Variants in TMEM98 observed in about 807,000 individuals in gnomAD.
TMEM98 encodes the protein transmembrane protein 98.
Under a neutral mutation model 25.0 loss-of-function variants are expected in TMEM98, and 18 were observed. The ratio of observed to expected loss-of-function variants is 0.72; its 90% CI spans 0.50 to 1.07. The LOEUF (loss-of-function observed/expected upper bound fraction) is 1.07, where lower values mean the gene tolerates loss of function less well. Among genes scored for constraint, TMEM98 ranks in the 50% least tolerant of loss-of-function variants. The probability of loss-of-function intolerance (pLI) is 0.00; values close to 1 mark genes in which losing one functional copy is unlikely to be tolerated. For synonymous variants in TMEM98, 103 were observed against 112.4 expected (o/e 0.92, Z 0.53); for missense variants, 241 against 289.0 (o/e 0.83, Z 1.20).
chr17:32,935,663 G>A (rs947603116), intron 5 of TMEM98, among the ~76,000 whole-genome samples: 2 of 152,112 alleles, frequency 1.3e-5, no homozygotes, highest in African/African-American at 2.4e-5. Context: ...AGGTCAGGTA[G>A]GGGTGCTTCC....
At chr17:32,932,137 G>T (rs560079274) in intron 3 of TMEM98, among the ~76,000 whole-genome samples, 1 of 129,422 alleles carries the variant, frequency 7.7e-6, no homozygotes, top group Non-Finnish European at 1.5e-5. Context: ...TTTCACTCTC[G>T]TTGCCCAGGC....
chr17:32,943,466 G>A lies in TMEM98; in HGVS notation c.*2473G>A, dbSNP rs1465271627. The A allele has an allele frequency of 1.3e-5, 2 of 152,214 alleles. No individual in the cohort carries two copies. Among genetic ancestry groups the A allele is most frequent in the Non-Finnish European group, 2.9e-5 (2 of 68,048 alleles). The allele number at this position is 152,214 out of a possible 1,614,324, so 9.4% of individuals were successfully genotyped here. ...ACATTCCTAAGTGCCTAGTTCTCTA[G>A]CGTCTGTATACATGGTAGTAGAGCC... On this transcript the variant is annotated 3_prime_UTR_variant, in exon 8 of 8. Transcript: ENST00000579849.
At position 32,929,231 on chromosome 17, in the gene TMEM98, TCACA is replaced by T. The variant is rs368066144; in HGVS notation, c.-131+1001_-131+1004del. ...TCAGAAGCACACTCTGAGAAACAGCTCACACACACAGAAACAGAAAAACAGCTCA... is the reference window on the plus strand; with the variant it reads ...TCAGAAGCACACTCTGAGAAACAGCTCACACAGAAACAGAAAAACAGCTCA... On this transcript the variant is annotated intron_variant, in intron 1 of 7. Transcript: ENST00000579849. Among the ~76,000 whole-genome samples the T allele has an allele frequency of 4.1e-4, 62 of 149,870 alleles. 1 individual carries two copies. In the East Asian group the frequency reaches 9.2e-3, roughly 22 times the overall value.
intron 6 of TMEM98, among the ~76,000 whole-genome samples, chr17:32,938,576 C>T (rs2091510259): frequency 6.6e-6 from 1 of 152,216 alleles, no homozygotes; most frequent in African/African-American, 2.4e-5. Flanking sequence ...AAATTAACCA[C>T]AGGGTAGAAG....
chr17:32,931,746 C>T, intron 3 of TMEM98, 87 bp downstream of exon 3: 1 of 1,490,686 alleles, frequency 6.7e-7, no homozygotes, highest in Non-Finnish European at 9.0e-7. Context: ...TTGGGCAACT[C>T]TAACTCAGCT....
chr17:32,933,209 A>C lies in TMEM98; in HGVS notation c.167A>C (p.Gln56Pro). The C allele has an allele frequency of 6.2e-7, 1 of 1,614,206 alleles. No homozygotes were observed. Among genetic ancestry groups the C allele is most frequent in the South Asian group, 1.1e-5 (1 of 91,082 alleles). ...GACCTCATTGGTGCCATGGAGACCC[A>C]GTCTGAGCCCTCTGAGTTAGAACTG... ...IVDLIGAMET[Q>P]SEPSELELDD... Residue 56 changes from glutamine (Q) to proline (P), a missense_variant, in exon 4 of 8, where the codon CAG (glutamine) becomes CCG (proline). Transcript: ENST00000579849.
intron 6 of TMEM98, among the ~76,000 whole-genome samples, chr17:32,938,476 T>A (rs554306093): frequency 2.0e-5 from 3 of 152,354 alleles, no homozygotes; most frequent in African/African-American, 7.2e-5. Flanking sequence ...TTATTTTTTC[T>A]TCCTATCGAG....
At chr17:32,936,824 C>G (rs564808638) in intron 6 of TMEM98, among the ~76,000 whole-genome samples, 1 of 152,358 alleles carries the variant, frequency 6.6e-6, no homozygotes, top group East Asian at 1.9e-4. Flanking sequence ...TGCCCACACC[C>G]CTGTCTCTGC....
At chr17:32,934,357 G>C (rs773845231) in intron 5 of TMEM98, 33 bp downstream of exon 5, 8 of 1,613,598 alleles carry the variant, frequency 5.0e-6, no homozygotes, top group South Asian at 1.1e-5. Context: ...TGGGATAAAG[G>C]GTAGTCGAAA....
At chr17:32,929,876 G>A (rs940357249) in intron 1 of TMEM98, among the ~76,000 whole-genome samples, 7 of 152,116 alleles carry the variant, frequency 4.6e-5, no homozygotes, top group African/African-American at 1.7e-4. Context: ...TCTTTTCTGT[G>A]TTCTTCTGCA....
At chr17:32,936,685 C>T (rs112962398) in intron 6 of TMEM98, among the ~76,000 whole-genome samples, 2 of 152,196 alleles carry the variant, frequency 1.3e-5, no homozygotes, top group Non-Finnish European at 2.9e-5. Flanking sequence ...TTTGGGGAAG[C>T]GCCAGCAGGT....
At chr17:32,936,219 GTT>G in intron 5 of TMEM98, 111 bp from the exon 6 acceptor site, 1 of 790,332 alleles carries the variant, frequency 1.3e-6, no homozygotes, top group South Asian at 1.7e-5. Context: ...TGGCCATTAG[GTT>G]GGGGGCCAGC....
intron 6 of TMEM98, among the ~76,000 whole-genome samples, chr17:32,938,291 C>T (rs1567698506): frequency 6.6e-6 from 1 of 152,128 alleles, no homozygotes; most frequent in Non-Finnish European, 1.5e-5. Flanking sequence ...GTGTTGATGG[C>T]CTGTGAGTCT....
chr17:32,929,773 A>G (rs965349598), intron 1 of TMEM98, among the ~76,000 whole-genome samples: 7 of 152,182 alleles, frequency 4.6e-5, no homozygotes, highest in South Asian at 4.1e-4. Flanking sequence ...TCTACCTGGC[A>G]AACTCCTGCT....
At chr17:32,930,530 G>A (rs904530974) in intron 1 of TMEM98, among the ~76,000 whole-genome samples, 1 of 152,244 alleles carries the variant, frequency 6.6e-6, no homozygotes, top group Admixed American at 6.5e-5. Flanking sequence ...TTTAATGCCA[G>A]TTCTAAGTTT....
chr17:32,933,043 C>G, intron 3 of TMEM98, 131 bp from the exon 4 acceptor site: 4 of 1,338,848 alleles, frequency 3.0e-6, no homozygotes, highest in Non-Finnish European at 4.0e-6. Context: ...GGTTTGGATC[C>G]GGGACAAGTG....
At chr17:32,929,581 C>T (rs1567695869) in intron 1 of TMEM98, among the ~76,000 whole-genome samples, 1 of 152,110 alleles carries the variant, frequency 6.6e-6, no homozygotes, top group Non-Finnish European at 1.5e-5. Context: ...GAAACAGAGG[C>T]GGACCCTGAG....
chr17:32,936,426 T>A lies in TMEM98; in HGVS notation c.392T>A (p.Val131Glu), dbSNP rs1362925365. The change falls in exon 6 of 8, where the codon GTG (valine) becomes GAG (glutamate). Residue 131 changes from valine (V) to glutamate (E), a missense_variant. Coordinates refer to ENST00000579849, the MANE Select transcript of TMEM98 (RefSeq NM_015544.3). Reference sequence around the variant, plus strand: ...GCCAGTGTCAGCGACATCATTGTGGTGGCCAAGCGGATCAGCCCCAGGTGA... The same window carrying A: ...GCCAGTGTCAGCGACATCATTGTGGAGGCCAAGCGGATCAGCCCCAGGTGA... Reference protein sequence around the residue: ...TSASVSDIIVVAKRISPRVDD... With the variant: ...TSASVSDIIVEAKRISPRVDD... The A allele has an allele frequency of 6.2e-7, 1 of 1,614,166 alleles. No individual in the cohort carries two copies. The highest frequency in any genetic ancestry group is 8.5e-7 in the Non-Finnish European group (1 of 1,180,018).
chr17:32,932,587 A>G (rs947715018), intron 3 of TMEM98, among the ~76,000 whole-genome samples: 1 of 152,238 alleles, frequency 6.6e-6, no homozygotes, highest in Non-Finnish European at 1.5e-5. Flanking sequence ...ATGCCCATTT[A>G]TATGACCCAG....
Sources: allele counts gnomAD v4.1 joint callset (sites outside exome capture counted in the v4.1 genomes callset), GRCh38; gene constraint gnomAD v4.1.1; transcripts MANE v1.5; gene names NCBI Gene and HGNC (gene_info 2026-07-23, HGNC 2026-07-21).